The following ADAMTSL1 variants were observed in gnomAD, a reference collection of about 807,000 sequenced individuals.
ADAMTSL1 encodes ADAMTS like 1, also known as ADAMTS-like protein 1.
A neutral mutation model predicts 201.8 loss-of-function variants in ADAMTSL1; 126 were observed. The observed-to-expected ratio is 0.62, with a 90% CI of 0.54 to 0.72. The LOEUF is 0.72. ADAMTSL1 is among the 30% of genes least tolerant of loss of function. The pLI, the probability that ADAMTSL1 is intolerant of heterozygous loss-of-function variation, is 0.00. For missense variants in ADAMTSL1, 2,679 were observed against 2,277.8 expected, an observed-to-expected ratio of 1.18 and a Z score of -3.59; for synonymous variants, 1,121 against 903.4, an observed-to-expected ratio of 1.24 and a Z score of -4.32.
chr9:18,643,752 A>G (rs545682599), intron 7 of ADAMTSL1, among the ~76,000 whole-genome samples: 3 of 152,066 alleles, frequency 2.0e-5, no homozygotes, highest in African/African-American at 7.2e-5. Flanking sequence ...CTGTTTTTAG[A>G]CTGGTACCAT....
chr9:18,758,553 T>C (rs1421107926), intron 16 of ADAMTSL1, among the ~76,000 whole-genome samples: 2 of 152,178 alleles, frequency 1.3e-5, no homozygotes, highest in African/African-American at 2.4e-5. Flanking sequence ...ACAGGCCATA[T>C]GCTTCCTTGG....
At chr9:18,224,138 C>T (rs904848216) in intron 2 of ADAMTSL1, among the ~76,000 whole-genome samples, 1 of 152,214 alleles carries the variant, frequency 6.6e-6, no homozygotes, top group East Asian at 1.9e-4. Context: ...GCCATTTGGG[C>T]ATGGTCTTGG....
chr9:18,067,060 C>T (rs1461010848), intron 1 of ADAMTSL1, among the ~76,000 whole-genome samples: 1 of 151,996 alleles, frequency 6.6e-6, no homozygotes, highest in Non-Finnish European at 1.5e-5. Context: ...ATGGGTGCAT[C>T]ACACCAGCAT....
At chr9:18,233,864 G>C (rs927849180) in intron 2 of ADAMTSL1, among the ~76,000 whole-genome samples, 1 of 152,170 alleles carries the variant, frequency 6.6e-6, no homozygotes, top group Non-Finnish European at 1.5e-5. Flanking sequence ...AGAGGCAAGG[G>C]AGGCACAGTA....
intron 2 of ADAMTSL1, among the ~76,000 whole-genome samples, chr9:18,243,452 G>A (rs1214035106): frequency 3.9e-5 from 6 of 152,006 alleles, no homozygotes; most frequent in Admixed American, 6.6e-5. Flanking sequence ...GAACAAATCC[G>A]ATTATGTTTT....
At chr9:18,469,560 G>A (rs778437860), upstream of ADAMTSL1, among the ~76,000 whole-genome samples, 4 of 152,352 alleles carry the variant, frequency 2.6e-5, no homozygotes, top group Admixed American at 2.6e-4. Context: ...CATGGGAGTT[G>A]CTGCCTCTTC....
intron 2 of ADAMTSL1, among the ~76,000 whole-genome samples, chr9:18,399,324 TATATAA>T (rs1290595834): frequency 2.7e-4 from 32 of 120,640 alleles, no homozygotes; most frequent in African/African-American, 3.8e-4. Flanking sequence ...TATATATATA[TATATAA>T]AATTATTATT....
chr9:18,425,803 C>T (rs1321086788), intron 2 of ADAMTSL1, among the ~76,000 whole-genome samples: 1 of 147,204 alleles, frequency 6.8e-6, no homozygotes, highest in Admixed American at 7.0e-5. Flanking sequence ...CTGCAATGAA[C>T]CATGGTCACC....
chr9:18,598,034 T>A (rs776256802), intron 4 of ADAMTSL1, among the ~76,000 whole-genome samples: 7 of 152,176 alleles, frequency 4.6e-5, no homozygotes, highest in Admixed American at 6.5e-5. Flanking sequence ...ACTGACTGCT[T>A]GTGATCCAAG....
chr9:17,914,235 C>G (rs963678393), intron 1 of ADAMTSL1, among the ~76,000 whole-genome samples: 3 of 152,256 alleles, frequency 2.0e-5, no homozygotes, highest in African/African-American at 7.2e-5. Context: ...GAATTTTAGA[C>G]CAATATCCTT....
chr9:18,563,854 C>T (rs920585790), intron 3 of ADAMTSL1, among the ~76,000 whole-genome samples: 1 of 152,228 alleles, frequency 6.6e-6, no homozygotes, highest in Non-Finnish European at 1.5e-5. Context: ...TGGTGGACGC[C>T]CCTACCCCCA....
At chr9:18,215,844 G>C (rs1279210707) in intron 2 of ADAMTSL1, among the ~76,000 whole-genome samples, 3 of 152,148 alleles carry the variant, frequency 2.0e-5, no homozygotes, top group Non-Finnish European at 4.4e-5. Flanking sequence ...TTTCATGTGA[G>C]ACAGCTGCTA....
intron 2 of ADAMTSL1, among the ~76,000 whole-genome samples, chr9:18,421,211 C>G (rs540169145): frequency 1.3e-5 from 2 of 152,116 alleles, no homozygotes; most frequent in East Asian, 3.9e-4. Context: ...AAATCCTTGA[C>G]TATTTATAAT....
chr9:18,187,205 C>G (rs896311407), intron 2 of ADAMTSL1, among the ~76,000 whole-genome samples: 2 of 152,032 alleles, frequency 1.3e-5, no homozygotes, highest in African/African-American at 4.8e-5. Context: ...ACAGGGAAGC[C>G]CTTGTCATTA....
rs116963122 is a variant in ADAMTSL1 at position 18,893,181 on chromosome 9, C to T, written c.4851+585C>T. Among the ~76,000 whole-genome samples, 590 of 152,106 alleles carry T rather than the reference C, an allele frequency of 3.9e-3. 10 individuals carry two copies. The East Asian group carries it at 0.046, about 12-fold the overall frequency. On this transcript the variant is annotated intron_variant, in intron 26 of 28. Coordinates refer to ENST00000380548, the MANE Select transcript of ADAMTSL1 (RefSeq NM_001040272.6). Reference sequence around the variant, plus strand: ...GAGCTCCCTTTGCCAGGGGGAATATCGTCTTTCTCCTACCTGGAAAAGCCT... The same window carrying T: ...GAGCTCCCTTTGCCAGGGGGAATATTGTCTTTCTCCTACCTGGAAAAGCCT...
At chr9:18,777,949 G>C (rs1180974192) in intron 19 of ADAMTSL1, 43 bp downstream of exon 19, 2 of 1,513,698 alleles carry the variant, frequency 1.3e-6, no homozygotes, top group South Asian at 1.3e-5. Context: ...GAGGCAAGGG[G>C]CCACATCTGG....
At chr9:18,897,856 G>A (rs1425350317) in intron 26 of ADAMTSL1, among the ~76,000 whole-genome samples, 1 of 152,148 alleles carries the variant, frequency 6.6e-6, no homozygotes, top group Non-Finnish European at 1.5e-5. Flanking sequence ...AGGCTGAGAT[G>A]GTTGAATTGA....
intron 3 of ADAMTSL1, among the ~76,000 whole-genome samples, chr9:18,570,404 A>T (rs1205461814): frequency 6.6e-6 from 1 of 152,218 alleles, no homozygotes; most frequent in African/African-American, 2.4e-5. Context: ...CCACTCTTGC[A>T]GCTGGATGAT....
chr9:18,635,344 A>G (rs1180845572), intron 5 of ADAMTSL1, among the ~76,000 whole-genome samples: 1 of 152,178 alleles, frequency 6.6e-6, no homozygotes, highest in East Asian at 1.9e-4. Context: ...GGTTCAGTCA[A>G]TTTCTAAAAA....
Sources: gnomAD v4.1 joint callset for allele counts (sites outside exome capture counted in the v4.1 genomes callset) on GRCh38, gnomAD v4.1.1 for gene constraint, MANE v1.5 for transcripts, NCBI Gene and HGNC (gene_info 2026-07-23, HGNC 2026-07-21) for gene names.